Variants in MAML2 observed in about 807,000 individuals in gnomAD.
MAML2 encodes mastermind like transcriptional coactivator 2.
MAML2 carries 22 observed loss-of-function variants against 96.1 expected under a neutral mutation model. The observed-to-expected ratio is 0.23, with a 90% CI of 0.16 to 0.33. The LOEUF (loss-of-function observed/expected upper bound fraction) is 0.33. Among genes scored for constraint, MAML2 ranks in the 10% least tolerant of loss-of-function variants. The pLI is 1.00. For synonymous variants in MAML2, 561 were observed against 521.3 expected, an observed-to-expected ratio of 1.08 and a Z score of -1.04; for missense variants, 1,367 against 1,392.4, an observed-to-expected ratio of 0.98 and a Z score of 0.29.
At chr11:96,294,903 G>T (rs1031826852) in intron 1 of MAML2, among the ~76,000 whole-genome samples, 3 of 152,186 alleles carry the variant, frequency 2.0e-5, no homozygotes, top group African/African-American at 7.2e-5. Flanking sequence ...TGATTCCAAG[G>T]TTCCATGCAT....
chr11:96,137,228 G>C (rs1388500172), intron 1 of MAML2, among the ~76,000 whole-genome samples: 1 of 152,194 alleles, frequency 6.6e-6, no homozygotes, highest in Non-Finnish European at 1.5e-5. Flanking sequence ...GTGAAATCAG[G>C]TTAACCATAT....
chr11:96,172,246 A>G (rs1861308383), intron 1 of MAML2, among the ~76,000 whole-genome samples: 1 of 152,240 alleles, frequency 6.6e-6, no homozygotes, highest in Admixed American at 6.5e-5. Context: ...AGAATTGAGT[A>G]GTATTTCTAA....
chr11:96,093,182 C>T lies in MAML2; in HGVS notation c.849G>A (p.Met283Ile). The change falls in exon 2 of 5, where the codon ATG becomes ATA. Residue 283 changes from methionine to isoleucine, a missense_variant. Met to Ile is a conservative substitution (Grantham distance 10, BLOSUM62 1). Coordinates refer to ENST00000524717, the MANE Select transcript of MAML2 (RefSeq NM_032427.4). ...TATTAGGAAAAATATTCTCTTGGGT[C>T]ATTTGGCCATCCATGTGCTTACTGC... ...LSCSKHMDGQ[M>I]TQENIFPNRY... 1 of 1,613,972 alleles carries T rather than the reference C, an allele frequency of 6.2e-7. No individual in the cohort carries two copies.
chr11:96,217,162 T>C (rs1157748354), intron 1 of MAML2, among the ~76,000 whole-genome samples: 1 of 152,246 alleles, frequency 6.6e-6, no homozygotes, highest in Non-Finnish European at 1.5e-5. Flanking sequence ...GTATAACAAG[T>C]ATTTGCTTAG....
intron 1 of MAML2, among the ~76,000 whole-genome samples, chr11:96,274,210 C>G (rs991847023): frequency 1.1e-4 from 17 of 151,184 alleles, no homozygotes; most frequent in African/African-American, 3.2e-4. Context: ...AGCCTTTCTG[C>G]TAGCTGGGAC....
chr11:96,291,594 T>C (rs141161141), intron 1 of MAML2, among the ~76,000 whole-genome samples: 38 of 152,360 alleles, frequency 2.5e-4, no homozygotes, highest in Middle Eastern at 3.4e-3. Flanking sequence ...CTATTTTCTC[T>C]TGTATTGGTA....
chr11:96,314,479 A>G (rs578080820), intron 1 of MAML2, among the ~76,000 whole-genome samples: 142 of 152,280 alleles, frequency 9.3e-4, no homozygotes, highest in African/African-American at 3.2e-3. Context: ...ATGAGGCCTC[A>G]CCCACTCCCA....
chr11:96,171,669 C>T (rs16923167), intron 1 of MAML2, among the ~76,000 whole-genome samples: 2,746 of 152,286 alleles, frequency 0.018, 93 homozygotes, highest in African/African-American at 0.062. Context: ...ATAAACAACA[C>T]GCCAAAGTTC....
intron 2 of MAML2, among the ~76,000 whole-genome samples, chr11:96,044,766 G>A (rs764301445): frequency 2.0e-5 from 3 of 152,222 alleles, no homozygotes; most frequent in African/African-American, 7.2e-5. Flanking sequence ...GTTCAGAGAT[G>A]AATCTGTCTC....
chr11:96,040,766 C>G (rs529881527), intron 2 of MAML2, among the ~76,000 whole-genome samples: 1 of 152,036 alleles, frequency 6.6e-6, no homozygotes, highest in Admixed American at 6.6e-5. Flanking sequence ...GACTTTGTCT[C>G]AAAGAAAAAC....
chr11:96,315,107 T>C (rs1840761764), intron 1 of MAML2, among the ~76,000 whole-genome samples: 1 of 152,222 alleles, frequency 6.6e-6, no homozygotes, highest in South Asian at 2.1e-4. Context: ...TCCTTAGTTC[T>C]AAAGAGTATA....
At chr11:96,026,482 G>A (rs1442437266) in intron 2 of MAML2, among the ~76,000 whole-genome samples, 2 of 152,150 alleles carry the variant, frequency 1.3e-5, no homozygotes, top group Non-Finnish European at 2.9e-5. Flanking sequence ...CTACCGTGGT[G>A]AGATGATGCA....
At chr11:96,082,136 G>A (rs1428533796) in intron 2 of MAML2, among the ~76,000 whole-genome samples, 1 of 148,176 alleles carries the variant, frequency 6.7e-6, no homozygotes, top group Non-Finnish European at 1.5e-5. Flanking sequence ...TGGTTTCCAG[G>A]AGCTTGAAGT....
chr11:95,979,995 T>C, intron 4 of MAML2, 32 bp from the exon 5 acceptor site: 1 of 1,553,198 alleles, frequency 6.4e-7, no homozygotes. Context: ...TATTAGTTCG[T>C]AGCAGCATGT....
intron 1 of MAML2, among the ~76,000 whole-genome samples, chr11:96,159,101 T>G (rs1171451834): frequency 1.3e-5 from 2 of 152,106 alleles, no homozygotes; most frequent in Admixed American, 6.5e-5. Flanking sequence ...GTATCAGAAC[T>G]TTTGTCATAG....
At chr11:96,230,287 C>A (rs535135457) in intron 1 of MAML2, among the ~76,000 whole-genome samples, 1 of 152,102 alleles carries the variant, frequency 6.6e-6, no homozygotes, top group Non-Finnish European at 1.5e-5. Flanking sequence ...TTCATTAATA[C>A]CTCTTTCAAA....
At chr11:96,024,841 T>C (rs954280355) in intron 2 of MAML2, among the ~76,000 whole-genome samples, 4 of 152,190 alleles carry the variant, frequency 2.6e-5, no homozygotes, top group African/African-American at 9.7e-5. Flanking sequence ...TACTCAGCCC[T>C]CCACATGCAG....
chr11:96,232,194 G>A (rs1426869737), intron 1 of MAML2, among the ~76,000 whole-genome samples: 1 of 152,164 alleles, frequency 6.6e-6, no homozygotes, highest in Non-Finnish European at 1.5e-5. Context: ...TAAGCATCAC[G>A]TCTTTGGCTC....
intron 1 of MAML2, among the ~76,000 whole-genome samples, chr11:96,202,730 C>T (rs73527576): frequency 0.017 from 2,516 of 151,964 alleles, 63 homozygotes; most frequent in African/African-American, 0.058. Context: ...CGGGTTCAAG[C>T]GATTCTCCTG....
Sources: gnomAD v4.1 joint callset for allele counts (sites outside exome capture counted in the v4.1 genomes callset) on GRCh38, gnomAD v4.1.1 for gene constraint, MANE v1.5 for transcripts, NCBI Gene and HGNC (gene_info 2026-07-23, HGNC 2026-07-21) for gene names.